The following MIOS variants were observed in gnomAD, a reference collection of about 807,000 sequenced individuals.
MIOS encodes meiosis regulator for oocyte development.
In MIOS, 52 loss-of-function variants were observed where a neutral mutation model predicts 96.9. That is an observed-to-expected ratio of 0.54 (90% confidence interval 0.43 to 0.68). MIOS has a LOEUF of 0.68. Ranked by LOEUF, MIOS falls within the 30% of genes least tolerant of loss-of-function variation. The pLI is 0.00. For missense variants in MIOS, 1,005 were observed against 1,052.8 expected, an observed-to-expected ratio of 0.95 and a Z score of 0.63; for synonymous variants, 397 against 359.5, an observed-to-expected ratio of 1.10 and a Z score of -1.18.
At chr7:7,578,507 C>T (rs1468617067) in intron 5 of MIOS, among the ~76,000 whole-genome samples, 1 of 151,928 alleles carries the variant, frequency 6.6e-6, no homozygotes, top group South Asian at 2.1e-4. Context: ...TTCTTTAAAA[C>T]AAACAAACAA....
chr7:7,584,804 C>G (rs1051560618), intron 6 of MIOS, among the ~76,000 whole-genome samples: 1 of 152,080 alleles, frequency 6.6e-6, no homozygotes, highest in African/African-American at 2.4e-5. Context: ...AGCTGAACTT[C>G]GGTTAGAAGA....
chr7:7,572,324 T>A lies in MIOS; in HGVS notation c.-40-112T>A. 1 of 505,214 alleles carries A rather than the reference T, an allele frequency of 2.0e-6. No homozygotes were observed. The allele number at this position is 505,214 out of a possible 1,614,324, so 31.3% of individuals were successfully genotyped here. On this transcript the variant is annotated intron_variant, in intron 3 of 12. Coordinates refer to ENST00000340080, the MANE Select transcript of MIOS (RefSeq NM_019005.4). This position sits in a 1 kb window ranked among gnomAD's most constrained non-coding sequence, Gnocchi z 4.8. ...ATAGAGAGAAGAAATACAAATATAT[T>A]GAAAAAGAGGGTTCTTGAATAGAGA...
chr7:7,591,206 G>T (rs1784038780), intron 9 of MIOS, among the ~76,000 whole-genome samples: 2 of 150,960 alleles, frequency 1.3e-5, no homozygotes, highest in East Asian at 1.9e-4. Flanking sequence ...TAAAGATGTA[G>T]TTTCACTGTC....
At chr7:7,568,873 A>G (rs1783247838) in intron 3 of MIOS, among the ~76,000 whole-genome samples, 1 of 152,222 alleles carries the variant, frequency 6.6e-6, no homozygotes, top group Admixed American at 6.5e-5. Flanking sequence ...GTGGATGGCA[A>G]TAGAAGTATT....
At chr7:7,570,532 C>T (rs906249122) in intron 3 of MIOS, among the ~76,000 whole-genome samples, 2 of 151,320 alleles carry the variant, frequency 1.3e-5, no homozygotes, top group African/African-American at 4.9e-5. Flanking sequence ...CACTTTATTT[C>T]TATTTACATT....
In MIOS at chr7:7,607,234, T is replaced by G; in HGVS notation, c.*142T>G. On this transcript the variant is annotated 3_prime_UTR_variant, in exon 13 of 13. Coordinates refer to ENST00000340080, the MANE Select transcript of MIOS (RefSeq NM_019005.4). ...AATCATTCTATCAGATCAGCAGTTT[T>G]GATGTTTGAGTGATTTTGATATGCT... 1 of 603,290 alleles carries G rather than the reference T, an allele frequency of 1.7e-6. No individual in the cohort carries two copies. Among genetic ancestry groups the G allele is most frequent in the South Asian group, 2.3e-5 (1 of 43,916 alleles). 37.4% of individuals were successfully genotyped at this position (603,290 alleles called of 1,614,324 possible).
chr7:7,571,761 C>G (rs1258702084), intron 3 of MIOS, among the ~76,000 whole-genome samples: 1 of 152,182 alleles, frequency 6.6e-6, no homozygotes, highest in Admixed American at 6.5e-5. Flanking sequence ...CAGGTTCGTT[C>G]AGTACATTCC....
chr7:7,580,071 A>G (rs1270185964), intron 5 of MIOS, among the ~76,000 whole-genome samples: 1 of 152,212 alleles, frequency 6.6e-6, no homozygotes, highest in Non-Finnish European at 1.5e-5. Flanking sequence ...TTATCACTAA[A>G]TACCAGCTTT....
At position 7,589,400 on chromosome 7, in the gene MIOS, T is replaced by C. The variant is rs1456424982; in HGVS notation, c.1885-5T>C. ...GCTTTAGAAAAATCACTTTAAATTT[T>C]CCAGTTAAATAGATACATCGAAAAG... is the stretch of plus-strand genomic sequence containing the variant. On this transcript the variant is annotated splice_polypyrimidine_tract_variant and splice_region_variant and intron_variant, in intron 8 of 12. Coordinates refer to ENST00000340080, the MANE Select transcript of MIOS (RefSeq NM_019005.4). The C allele has an allele frequency of 1.6e-5, 25 of 1,611,688 alleles. No individual in the cohort carries two copies. Among genetic ancestry groups the C allele is most frequent in the Non-Finnish European group, 2.0e-5 (24 of 1,178,590 alleles).
chr7:7,605,768 G>A, intron 11 of MIOS, 174 bp from the exon 12 acceptor site: 1 of 514,644 alleles, frequency 1.9e-6, no homozygotes, highest in Admixed American at 3.7e-5. Context: ...AAAATGTAGG[G>A]GAGCTTCTGT....
chr7:7,602,889 G>A (rs28847278), intron 11 of MIOS, among the ~76,000 whole-genome samples: 11,323 of 151,888 alleles, frequency 0.075, 1,083 homozygotes, highest in African/African-American at 0.22. Flanking sequence ...CCAATGGAAC[G>A]GAACAGAGCC....
At chr7:7,574,777 A>G (rs1783473733) in intron 5 of MIOS, among the ~76,000 whole-genome samples, 1 of 149,104 alleles carries the variant, frequency 6.7e-6, no homozygotes, top group African/African-American at 2.4e-5. Context: ...AAGTGACAAA[A>G]ACCAAACTTT....
rs1344891259 is a variant in MIOS at position 7,583,344 on chromosome 7, C to T, written c.1620C>T (p.Ile540=). The T allele has an allele frequency of 6.2e-7, 1 of 1,610,576 alleles. No individual in the cohort carries two copies. Among genetic ancestry groups the T allele is most frequent in the South Asian group, 1.1e-5 (1 of 90,548 alleles). ...FNLDIRRAIQ[I]LNEGASSEKG... ...TGGATATTCGCCGAGCAATCCAAATCCTGAATGAAGGGGCATCTTCTGAAA... is the reference window on the plus strand; with the variant it reads ...TGGATATTCGCCGAGCAATCCAAATTCTGAATGAAGGGGCATCTTCTGAAA... Residue 540 remains isoleucine (I), a synonymous_variant, in exon 6 of 13, where the codon ATC becomes ATT. Transcript: ENST00000340080.
At chr7:7,598,785 A>C (rs1784288768) in intron 11 of MIOS, among the ~76,000 whole-genome samples, 1 of 152,304 alleles carries the variant, frequency 6.6e-6, no homozygotes, top group Admixed American at 6.5e-5. Flanking sequence ...AGAAAAGAAA[A>C]TAATTTTCTA....
At chr7:7,582,606 G>C (rs1385605614) in intron 5 of MIOS, 1 of 974,626 alleles carries the variant, frequency 1.0e-6, no homozygotes, top group Non-Finnish European at 1.2e-6. Flanking sequence ...TTTGAAGTCT[G>C]TAATCTTGTT....
intron 9 of MIOS, among the ~76,000 whole-genome samples, chr7:7,591,141 T>C (rs1784036960): frequency 6.6e-6 from 1 of 152,184 alleles, no homozygotes; most frequent in Admixed American, 6.5e-5. Context: ...TGACAGATTC[T>C]CTCAAATTTT....
intron 5 of MIOS, among the ~76,000 whole-genome samples, chr7:7,576,273 G>C (rs1020605035): frequency 6.6e-6 from 1 of 152,162 alleles, no homozygotes; most frequent in Non-Finnish European, 1.5e-5. Context: ...CTAGGAACTA[G>C]AGACATAACT....
chr7:7,590,594 CTGTT>C (rs1784019512), intron 9 of MIOS, among the ~76,000 whole-genome samples: 1 of 152,094 alleles, frequency 6.6e-6, no homozygotes, highest in Non-Finnish European at 1.5e-5. Flanking sequence ...TACCATCTTG[CTGTT>C]TGTTTTCCGT....
chr7:7,577,702 G>A (rs929466418), intron 5 of MIOS, among the ~76,000 whole-genome samples: 2 of 152,166 alleles, frequency 1.3e-5, no homozygotes, highest in African/African-American at 4.8e-5. Context: ...AGGGGGAAAG[G>A]ATGCTGTATG....
Sources: gnomAD v4.1 joint callset for allele counts (sites outside exome capture counted in the v4.1 genomes callset) on GRCh38, gnomAD v4.1.1 for gene constraint, Gnocchi (gnomAD v3.1) non-coding constraint, MANE v1.5 for transcripts, NCBI Gene and HGNC (gene_info 2026-07-23, HGNC 2026-07-21) for gene names.